SGCD: variants seen among roughly 807,000 people sequenced by gnomAD.
SGCD encodes sarcoglycan delta, also known as delta-sarcoglycan.
A neutral mutation model predicts 36.6 loss-of-function variants in SGCD; 18 were observed. That is an observed-to-expected ratio of 0.49 (90% CI 0.34 to 0.73). The LOEUF (loss-of-function observed/expected upper bound fraction) is 0.73. Among genes scored for constraint, SGCD ranks in the 30% least tolerant of loss-of-function variants. The pLI is 0.01. For missense variants in SGCD, 387 were observed against 346.7 expected (o/e 1.12, Z -0.92); for synonymous variants, 133 against 130.6 (o/e 1.02, Z -0.12).
At chr5:155,778,773 A>G in the SGCD span, among the ~76,000 whole-genome samples, 1 of 152,172 alleles carries the variant, frequency 6.6e-6, no homozygotes, top group Non-Finnish European at 1.5e-5. Context: ...CTCCGACTCT[A>G]TCTGATTCTG....
intron 1 of SGCD, among the ~76,000 whole-genome samples, chr5:156,090,477 G>T (rs1178773236): frequency 6.6e-6 from 1 of 152,134 alleles, no homozygotes; most frequent in Non-Finnish European, 1.5e-5. Flanking sequence ...GGGAGGGGGT[G>T]TTACATGCTT....
At chr5:156,461,278 G>T (rs1455243069) in intron 3 of SGCD, among the ~76,000 whole-genome samples, 1 of 152,090 alleles carries the variant, frequency 6.6e-6, no homozygotes, top group Non-Finnish European at 1.5e-5. Context: ...GTTTATAAAA[G>T]ATATATAATT....
At chr5:156,094,095 C>T (rs551032626) in intron 1 of SGCD, among the ~76,000 whole-genome samples, 65 of 152,230 alleles carry the variant, frequency 4.3e-4, no homozygotes, top group South Asian at 2.1e-3. Context: ...GGCAGCAGCC[C>T]CTCCTTCTAG....
chr5:155,883,885 G>T (rs1488876995), intron 1 of SGCD, among the ~76,000 whole-genome samples: 5 of 151,448 alleles, frequency 3.3e-5, no homozygotes, highest in Non-Finnish European at 7.4e-5. Flanking sequence ...TTGAAAGATG[G>T]GGAAATGAAT....
At chr5:156,534,031 T>C (rs575323918) in intron 4 of SGCD, among the ~76,000 whole-genome samples, 3 of 152,228 alleles carry the variant, frequency 2.0e-5, no homozygotes, top group Non-Finnish European at 4.4e-5. Context: ...TGTCAATCAA[T>C]GTAACACTAT....
At chr5:155,892,338 C>T (rs929292099) in intron 1 of SGCD, among the ~76,000 whole-genome samples, 1 of 151,814 alleles carries the variant, frequency 6.6e-6, no homozygotes, top group Admixed American at 6.6e-5. Context: ...TGCCTGTAGT[C>T]CCATTATTTT....
chr5:156,078,272 G>A (rs1309546889), intron 1 of SGCD, among the ~76,000 whole-genome samples: 1 of 151,828 alleles, frequency 6.6e-6, no homozygotes, highest in South Asian at 2.1e-4. Flanking sequence ...CCAGCATTTT[G>A]AGAGGCCAAG....
chr5:156,414,451 A>C (rs771688882), intron 3 of SGCD, among the ~76,000 whole-genome samples: 1 of 152,230 alleles, frequency 6.6e-6, no homozygotes, highest in Non-Finnish European at 1.5e-5. Flanking sequence ...AATATTGTTG[A>C]TATAACATTG....
intron 1 of SGCD, among the ~76,000 whole-genome samples, chr5:155,965,225 C>G (rs947207287): frequency 2.6e-5 from 4 of 152,098 alleles, no homozygotes; most frequent in Admixed American, 6.6e-5. Flanking sequence ...GAATCCTGCT[C>G]TTTGTCTTAA....
chr5:156,152,672 T>G (rs1344925533), intron 3 of SGCD, among the ~76,000 whole-genome samples: 1 of 151,716 alleles, frequency 6.6e-6, no homozygotes, highest in Non-Finnish European at 1.5e-5. Flanking sequence ...ATACATTGGG[T>G]TAAAGTATAT....
At chr5:156,728,508 CAAA>C (rs34726270) in intron 7 of SGCD, among the ~76,000 whole-genome samples, 16 of 46,554 alleles carry the variant, frequency 3.4e-4, no homozygotes, top group African/African-American at 8.6e-4. Context: ...GAGACTCTGT[CAAA>C]AAAAAAAAAA....
chr5:155,738,472 T>A, the SGCD span, among the ~76,000 whole-genome samples: 1 of 152,224 alleles, frequency 6.6e-6, no homozygotes, highest in Admixed American at 6.5e-5. Context: ...AAATGATACA[T>A]CTTGGGGACT....
At chr5:156,285,229 G>A (rs912441290) in intron 3 of SGCD, among the ~76,000 whole-genome samples, 12 of 152,114 alleles carry the variant, frequency 7.9e-5, no homozygotes, top group Admixed American at 1.3e-4. Context: ...AATCAATATC[G>A]TGAAAATGGC....
rs1758846114 is a variant in SGCD at position 156,010,854 on chromosome 5, CT to C, written c.-281-107020del. The stretch of plus-strand genomic sequence containing the variant: ...GATCTATCTGATACCAAAGCTCACA[CT>C]TTTACCTACTACTCATTACTGCCTT... On this transcript the variant is annotated intron_variant, in intron 1 of 9. Transcript: ENST00000517913. Among the ~76,000 whole-genome samples, 3 of 152,176 alleles carry C rather than the reference CT, an allele frequency of 2.0e-5. No homozygotes were observed. In the South Asian group the frequency reaches 6.2e-4, roughly 32 times the overall value.
At chr5:156,669,122 C>T (rs921857703) in intron 7 of SGCD, among the ~76,000 whole-genome samples, 3 of 152,100 alleles carry the variant, frequency 2.0e-5, no homozygotes, top group East Asian at 1.9e-4. Context: ...GCAATACGGC[C>T]GAAAGTTCAA....
the SGCD span, among the ~76,000 whole-genome samples, chr5:155,782,959 G>A: frequency 1.3e-5 from 2 of 152,094 alleles, no homozygotes; most frequent in African/African-American, 4.8e-5. Context: ...GAAAAAAAAT[G>A]ATGCATAAGG....
chr5:156,458,591 T>G, intron 3 of SGCD: 14 of 749,430 alleles, frequency 1.9e-5, no homozygotes, highest in Non-Finnish European at 3.0e-5. Context: ...TTAACATCTC[T>G]AAACCTCAGA....
intron 1 of SGCD, among the ~76,000 whole-genome samples, chr5:156,074,252 T>G (rs573576210): frequency 2.6e-5 from 4 of 152,246 alleles, no homozygotes; most frequent in South Asian, 2.1e-4. Flanking sequence ...GTGGTATGGA[T>G]GAAAGACTGA....
At chr5:156,147,043 A>C (rs181101477) in intron 3 of SGCD, among the ~76,000 whole-genome samples, 16 of 152,340 alleles carry the variant, frequency 1.1e-4, no homozygotes, top group African/African-American at 3.4e-4. Flanking sequence ...TCAGCTCATT[A>C]ATTAATGAAA....
Sources: allele counts gnomAD v4.1 joint callset (sites outside exome capture counted in the v4.1 genomes callset), GRCh38; gene constraint gnomAD v4.1.1; transcripts MANE v1.5; gene names NCBI Gene and HGNC (gene_info 2026-07-23, HGNC 2026-07-21).